ARPP21: variants seen among roughly 807,000 people sequenced by gnomAD.
ARPP21 encodes cAMP-regulated phosphoprotein 21.
Under a neutral mutation model 113.2 loss-of-function variants are expected in ARPP21, and 69 were observed. That is an observed-to-expected ratio of 0.61 (90% CI 0.50 to 0.74). The LOEUF is 0.74. Among genes scored for constraint, ARPP21 ranks in the 30% least tolerant of loss-of-function variants. The pLI is 0.00. For synonymous variants in ARPP21, 368 were observed against 375.5 expected, an observed-to-expected ratio of 0.98 and a Z score of 0.23; for missense variants, 1,070 against 1,037.4, an observed-to-expected ratio of 1.03 and a Z score of -0.43.
At chr3:35,686,685 A>G (rs1239288451) in intron 5 of ARPP21, among the ~76,000 whole-genome samples, 1 of 151,652 alleles carries the variant, frequency 6.6e-6, no homozygotes, top group Non-Finnish European at 1.5e-5. Flanking sequence ...TTCCTACATC[A>G]TAAATTTTAA....
At chr3:35,751,815 C>T (rs545968096) in intron 19 of ARPP21, among the ~76,000 whole-genome samples, 12 of 152,192 alleles carry the variant, frequency 7.9e-5, no homozygotes, top group Non-Finnish European at 1.8e-4. Context: ...ATTTCAGAAA[C>T]TCAGCAAGTT....
chr3:35,683,579 C>A (rs570969897), intron 4 of ARPP21, 147 bp from the exon 5 acceptor site: 1 of 637,416 alleles, frequency 1.6e-6, no homozygotes, highest in African/African-American at 1.8e-5. Flanking sequence ...CCAATGTAGA[C>A]AGTACTGATT....
chr3:35,740,927 A>C (rs2094617338), intron 18 of ARPP21, among the ~76,000 whole-genome samples: 2 of 151,832 alleles, frequency 1.3e-5, no homozygotes, highest in African/African-American at 2.4e-5. Flanking sequence ...GGGAGACTTC[A>C]TCTCTGCAAA....
chr3:35,737,489 A>C, intron 16 of ARPP21, 127 bp downstream of exon 16: 1 of 594,822 alleles, frequency 1.7e-6, no homozygotes, highest in Non-Finnish European at 2.7e-6. Flanking sequence ...AAAACCTGGC[A>C]GCATAGAGTT....
At chr3:35,707,149 T>A (rs2089426930) in intron 10 of ARPP21, 67 bp downstream of exon 10, 2 of 1,245,402 alleles carry the variant, frequency 1.6e-6, no homozygotes, top group Admixed American at 3.5e-5. Context: ...GATGTTCATG[T>A]CGTCCCTCTG....
chr3:35,762,171 A>G (rs930021297), intron 19 of ARPP21, among the ~76,000 whole-genome samples: 1 of 149,214 alleles, frequency 6.7e-6, no homozygotes, highest in Non-Finnish European at 1.5e-5. Context: ...TGGAATACAT[A>G]TCATTATTCT....
upstream of ARPP21, among the ~76,000 whole-genome samples, chr3:35,639,404 A>T (rs989690542): frequency 6.6e-6 from 1 of 151,906 alleles, no homozygotes; most frequent in African/African-American, 2.4e-5. The surrounding 1 kb of genome is among the most constrained non-coding windows in gnomAD (Gnocchi z 5.0). Context: ...GCCACGTGCA[A>T]CACGCGCGTT....
At chr3:35,641,369 A>G (rs1698015578) in intron 1 of ARPP21, 1 of 152,216 alleles carries the variant, frequency 6.6e-6, no homozygotes, top group African/African-American at 2.4e-5. Flanking sequence ...AAAAACTGCT[A>G]TGATTGTTTT....
At chr3:35,645,156 A>C (rs552232542) in intron 1 of ARPP21, among the ~76,000 whole-genome samples, 1 of 151,870 alleles carries the variant, frequency 6.6e-6, no homozygotes, top group Non-Finnish European at 1.5e-5. Context: ...TTTTATCCAG[A>C]TAAAGAGGGC....
At chr3:35,757,363 C>T (rs1215297851) in intron 19 of ARPP21, among the ~76,000 whole-genome samples, 1 of 151,978 alleles carries the variant, frequency 6.6e-6, no homozygotes, top group African/African-American at 2.4e-5. Flanking sequence ...ACACCCAGAC[C>T]CCTTCAATGA....
At chr3:35,793,630 A>G in intron 20 of ARPP21, 71 bp from the exon 21 acceptor site, 1 of 1,005,504 alleles carries the variant, frequency 9.9e-7, no homozygotes, top group African/African-American at 1.6e-5. Flanking sequence ...ATTTTTCATG[A>G]CACCATGTTG....
chr3:35,717,273 T>C (rs752901431), intron 12 of ARPP21, 25 bp from the exon 13 acceptor site: 3 of 1,496,650 alleles, frequency 2.0e-6, no homozygotes, highest in Non-Finnish European at 2.8e-6. Flanking sequence ...TTTTATATCA[T>C]AAAAATCATG....
At position 35,794,357 on chromosome 3, in the gene ARPP21, T is replaced by C. The variant is rs180683645; in HGVS notation, c.*399T>C. ...GCTGTAATGGAAAAGCAAAGAAGAA[T>C]TGATGAATTGAAGGAATAATTTATA... is the stretch of plus-strand genomic sequence containing the variant. On this transcript the variant is annotated 3_prime_UTR_variant, in exon 21 of 21. Transcript: ENST00000684406. The C allele has an allele frequency of 8.7e-4, 171 of 196,912 alleles. No individual in the cohort carries two copies. Among genetic ancestry groups the C allele is most frequent in the African/African-American group, 3.8e-3 (166 of 43,196 alleles). 12.2% of individuals were successfully genotyped at this position (196,912 alleles called of 1,614,324 possible). A position where few individuals can be genotyped will look rare whatever the true frequency, so the allele number is the denominator to read the frequency against.
intron 1 of ARPP21, among the ~76,000 whole-genome samples, chr3:35,669,958 G>A (rs2075910027): frequency 2.6e-5 from 4 of 151,992 alleles, no homozygotes. Context: ...TCAGCCCTGG[G>A]ACCACACACC....
At chr3:35,683,976 T>C in intron 5 of ARPP21, 161 bp downstream of exon 5, 3 of 1,341,168 alleles carry the variant, frequency 2.2e-6, no homozygotes, top group South Asian at 2.4e-5. Flanking sequence ...CATTCTAAAA[T>C]AGTTTAATGG....
At chr3:35,780,543 G>A (rs997410525) in intron 19 of ARPP21, among the ~76,000 whole-genome samples, 16 of 152,044 alleles carry the variant, frequency 1.1e-4, no homozygotes, top group African/African-American at 3.9e-4. Flanking sequence ...CCCCCGCAGT[G>A]TAATTTGCCA....
intron 19 of ARPP21, among the ~76,000 whole-genome samples, chr3:35,787,232 A>G (rs2096651768): frequency 6.6e-6 from 1 of 152,220 alleles, no homozygotes; most frequent in African/African-American, 2.4e-5. Context: ...TTCAAATAAT[A>G]TAAATGCTAT....
At chr3:35,661,307 G>A (rs1416859938) in intron 1 of ARPP21, among the ~76,000 whole-genome samples, 1 of 152,120 alleles carries the variant, frequency 6.6e-6, no homozygotes, top group East Asian at 1.9e-4. Flanking sequence ...GCTATATCGT[G>A]AGAATGGTGA....
chr3:35,639,145 A>G (rs1301583419), upstream of ARPP21: 1 of 152,412 alleles, frequency 6.6e-6, no homozygotes, highest in East Asian at 1.9e-4. The surrounding 1 kb of genome is among the most constrained non-coding windows in gnomAD (Gnocchi z 5.0). Context: ...TTTCTGATTA[A>G]TGATGCTCAC....
Sources: gnomAD v4.1 joint callset for allele counts (sites outside exome capture counted in the v4.1 genomes callset) on GRCh38, gnomAD v4.1.1 for gene constraint, Gnocchi (gnomAD v3.1) non-coding constraint, MANE v1.5 for transcripts, NCBI Gene and HGNC (gene_info 2026-07-23, HGNC 2026-07-21) for gene names.